The following ARNT variants were observed in gnomAD, a reference collection of about 807,000 sequenced individuals.
ARNT encodes the protein class E basic helix-loop-helix protein 2.
ARNT carries 30 observed loss-of-function variants against 105.0 expected under a neutral mutation model. The observed-to-expected ratio is 0.29, with a 90% CI of 0.21 to 0.39. The LOEUF (loss-of-function observed/expected upper bound fraction) is 0.39. Ranked by LOEUF, ARNT falls within the 10% of genes least tolerant of loss-of-function variation. The probability of loss-of-function intolerance (pLI) is 1.00; values close to 1 mark genes in which losing one functional copy is unlikely to be tolerated. For missense variants in ARNT, 748 were observed against 978.7 expected (o/e 0.76, Z 3.15); for synonymous variants, 304 against 344.0 (o/e 0.88, Z 1.29).
chr1:150,873,509 T>G (rs1015333118), intron 1 of ARNT, among the ~76,000 whole-genome samples: 1 of 151,966 alleles, frequency 6.6e-6, no homozygotes, highest in Non-Finnish European at 1.5e-5. Flanking sequence ...ACCAACCATA[T>G]TTTACTCTTC....
rs1006038582 is a variant in ARNT, at chr1:150,839,310, G to A, written c.486+131C>T. 8 of 804,308 alleles carry A rather than the reference G, an allele frequency of 9.9e-6. No individual in the cohort carries two copies. The Admixed American group carries it at 1.8e-4, about 18-fold the overall frequency. 49.8% of individuals were successfully genotyped at this position (804,308 alleles called of 1,614,324 possible). ...TGTCCCAATGCTAATTAATGTTATAGCCAAGGATTGAAATTCGTTTTCCCA... is the reference window on the plus strand; with the variant it reads ...TGTCCCAATGCTAATTAATGTTATAACCAAGGATTGAAATTCGTTTTCCCA... On this transcript the variant is annotated intron_variant, in intron 6 of 21. Coordinates refer to ENST00000358595, the MANE Select transcript of ARNT (RefSeq NM_001668.4).
intron 8 of ARNT, 110 bp downstream of exon 8, chr1:150,834,428 A>C: frequency 3.9e-6 from 4 of 1,023,284 alleles, no homozygotes; most frequent in Non-Finnish European, 6.0e-6. Context: ...CTGGGTATGG[A>C]GAGTTAAATT....
rs1258076637 is a variant in ARNT, at chr1:150,811,263, C to T, written c.*758G>A. The T allele has an allele frequency of 1.3e-5, 3 of 233,606 alleles. No individual in the cohort carries two copies. The highest frequency in any genetic ancestry group is 2.5e-5 in the Non-Finnish European group (3 of 117,992). The allele number at this position is 233,606 out of a possible 1,614,324, so 14.5% of individuals were successfully genotyped here. A position where few individuals can be genotyped will look rare whatever the true frequency, so the allele number is the denominator to read the frequency against. On this transcript the variant is annotated 3_prime_UTR_variant, in exon 22 of 22. Transcript: ENST00000358595. ...TATTTGCTTTACAGTTGTATATTGG[C>T]TGGGCATGGATGCAAGCGCAGCAAA...
chr1:150,862,711 G>GTA (rs1553226630), intron 1 of ARNT, among the ~76,000 whole-genome samples: 2 of 40,160 alleles, frequency 5.0e-5, no homozygotes, highest in African/African-American at 3.0e-4. Flanking sequence ...TCCTGCCTCT[G>GTA]TAAAAAAAAA....
At chr1:150,820,963 A>G (rs974525020) in intron 14 of ARNT, among the ~76,000 whole-genome samples, 1 of 152,244 alleles carries the variant, frequency 6.6e-6, no homozygotes, top group Non-Finnish European at 1.5e-5. Context: ...CGTTACTACT[A>G]ATAGCCTACT....
intron 3 of ARNT, among the ~76,000 whole-genome samples, chr1:150,847,939 T>C (rs1372004882): frequency 6.6e-6 from 1 of 152,172 alleles, no homozygotes; most frequent in Non-Finnish European, 1.5e-5. Flanking sequence ...GCCAGAAATA[T>C]GAGCCTTAAC....
chr1:150,839,989 C>G (rs1044683848), intron 5 of ARNT, among the ~76,000 whole-genome samples: 16 of 152,112 alleles, frequency 1.1e-4, no homozygotes, highest in African/African-American at 3.9e-4. Flanking sequence ...GCCTGTAATC[C>G]CAGCACTTTG....
intron 6 of ARNT, among the ~76,000 whole-genome samples, chr1:150,838,354 A>G (rs1660678169): frequency 6.6e-6 from 1 of 152,092 alleles, no homozygotes; most frequent in Non-Finnish European, 1.5e-5. Flanking sequence ...TGTTTAATTT[A>G]TTTATTTACA....
intron 15 of ARNT, 129 bp downstream of exon 15, chr1:150,817,791 C>T (rs1656221992): frequency 1.5e-6 from 1 of 673,662 alleles, no homozygotes; most frequent in African/African-American, 2.1e-5. Context: ...CCAGCCTGAG[C>T]AATGAGAGCA....
chr1:150,823,428 C>A, intron 13 of ARNT, 83 bp from the exon 14 acceptor site: 1 of 1,353,326 alleles, frequency 7.4e-7, no homozygotes. Context: ...ATTTCTATAA[C>A]CCTAAAACTC....
chr1:150,813,407 G>A (rs1299922705), intron 20 of ARNT, 69 bp from the exon 21 acceptor site: 11 of 1,462,796 alleles, frequency 7.5e-6, no homozygotes, highest in East Asian at 2.4e-5. Context: ...AATGCCACAA[G>A]TAAACAACTA....
chr1:150,824,862 T>TTTATA lies in ARNT; in HGVS notation c.1243-1518_1243-1517insTATAA, dbSNP rs1297769350. Among the ~76,000 whole-genome samples the TTTATA allele has an allele frequency of 3.1e-4, 47 of 152,162 alleles. 1 individual carries two copies. In the South Asian group the frequency reaches 9.8e-3, roughly 32 times the overall value. ...TTAAAAGTAATTTTAGTTATTTTATTTTTTATTTTATTTTATTTTTAGACA... is the reference window on the plus strand; with the variant it reads ...TTAAAAGTAATTTTAGTTATTTTATTTTATATTTTATTTTATTTTATTTTTAGACA... On this transcript the variant is annotated intron_variant, in intron 13 of 21. Coordinates refer to ENST00000358595, the MANE Select transcript of ARNT (RefSeq NM_001668.4).
intron 7 of ARNT, 52 bp from the exon 8 acceptor site, chr1:150,834,692 G>A (rs1203615093): frequency 6.7e-7 from 1 of 1,486,270 alleles, no homozygotes; most frequent in South Asian, 1.1e-5. Flanking sequence ...GTGTGGGGAA[G>A]AGGGGGAGAG....
intron 1 of ARNT, among the ~76,000 whole-genome samples, chr1:150,861,838 T>C (rs1455894235): frequency 6.6e-6 from 1 of 152,242 alleles, no homozygotes; most frequent in African/African-American, 2.4e-5. Context: ...AATTTCAGTG[T>C]AATGTACAGT....
intron 12 of ARNT, 119 bp downstream of exon 12, chr1:150,828,971 TATG>T: frequency 8.6e-7 from 1 of 1,167,546 alleles, no homozygotes; most frequent in Non-Finnish European, 1.2e-6. Context: ...ACTAACAGAA[TATG>T]ATGATCTCTT....
chr1:150,816,911 G>C, intron 17 of ARNT, 21 bp from the exon 18 acceptor site: 1 of 1,606,614 alleles, frequency 6.2e-7, no homozygotes, highest in Non-Finnish European at 8.5e-7. Flanking sequence ...AAAGGAGTTG[G>C]GGAAGGGCCA....
At chr1:150,851,204 G>A (rs1348408895) in intron 3 of ARNT, among the ~76,000 whole-genome samples, 3 of 147,582 alleles carry the variant, frequency 2.0e-5, no homozygotes, top group Non-Finnish European at 3.0e-5. Flanking sequence ...GCGGGGGCCA[G>A]CCCCCGCCCG....
intron 18 of ARNT, 58 bp from the exon 19 acceptor site, chr1:150,816,464 G>A (rs1655907401): frequency 3.2e-6 from 5 of 1,557,730 alleles, no homozygotes; most frequent in Non-Finnish European, 4.3e-6. Context: ...CAGAAGCTAG[G>A]AATCAAAGGA....
chr1:150,834,784 G>T, intron 7 of ARNT, 144 bp from the exon 8 acceptor site: 1 of 582,182 alleles, frequency 1.7e-6, no homozygotes, highest in South Asian at 2.3e-5. Flanking sequence ...AGCAGGAGAT[G>T]AATTTTTTTT....
Sources: allele counts gnomAD v4.1 joint callset (sites outside exome capture counted in the v4.1 genomes callset), GRCh38; gene constraint gnomAD v4.1.1; transcripts MANE v1.5; gene names NCBI Gene and HGNC (gene_info 2026-07-23, HGNC 2026-07-21).